Variants in KCNQ5 observed in about 807,000 individuals in gnomAD.
The protein encoded by KCNQ5 is potassium voltage-gated channel subfamily KQT member 5.
Under a neutral mutation model 98.2 loss-of-function variants are expected in KCNQ5, and 30 were observed. The ratio of observed to expected loss-of-function variants is 0.31; its 90% CI spans 0.23 to 0.41. KCNQ5 has a LOEUF of 0.41. Among genes scored for constraint, KCNQ5 ranks in the 10% least tolerant of loss-of-function variants. The pLI, the probability that KCNQ5 is intolerant of heterozygous loss-of-function variation, is 1.00. For missense variants in KCNQ5, 835 were observed against 1,182.5 expected (o/e 0.71, Z 4.31); for synonymous variants, 458 against 449.4 (o/e 1.02, Z -0.24).
intron 9 of KCNQ5, chr6:73,125,577 C>T (rs1365467522): frequency 3.2e-6 from 1 of 313,656 alleles, no homozygotes; most frequent in Non-Finnish European, 6.2e-6. Context: ...TAGCTTAGTA[C>T]TATTATAATA....
chr6:72,787,004 CAA>C (rs1045803750), intron 1 of KCNQ5, among the ~76,000 whole-genome samples: 2,241 of 50,246 alleles, frequency 0.045, 29 homozygotes, highest in African/African-American at 0.11. Flanking sequence ...GACTCTGTCT[CAA>C]AAAAAAAAAA....
intron 1 of KCNQ5, among the ~76,000 whole-genome samples, chr6:72,772,459 G>A (rs1278086841): frequency 6.6e-6 from 1 of 152,064 alleles, no homozygotes; most frequent in Non-Finnish European, 1.5e-5. Context: ...ACTAAGAAGA[G>A]AAATTTATTT....
intron 1 of KCNQ5, among the ~76,000 whole-genome samples, chr6:72,776,316 A>C (rs1215021056): frequency 6.6e-6 from 1 of 152,194 alleles, no homozygotes; most frequent in African/African-American, 2.4e-5. Context: ...TTTTTCTACA[A>C]ATTTAAATAG....
chr6:73,049,423 A>G (rs963428594), intron 3 of KCNQ5, among the ~76,000 whole-genome samples: 1 of 152,218 alleles, frequency 6.6e-6, no homozygotes, highest in African/African-American at 2.4e-5. Context: ...ACTTCACTCT[A>G]TAGATGGAAA....
intron 10 of KCNQ5, chr6:73,134,097 A>G: frequency 2.4e-6 from 1 of 412,748 alleles, no homozygotes; most frequent in South Asian, 1.8e-5. Flanking sequence ...TCTCTCACAC[A>G]CTCCATCTAC....
chr6:72,655,022 G>GTCTTTCTTTCTTTCTT (rs1254231605), intron 1 of KCNQ5, among the ~76,000 whole-genome samples: 45 of 119,044 alleles, frequency 3.8e-4, no homozygotes, highest in Admixed American at 5.4e-4. Context: ...GCCAAGGTCT[G>GTCTTTCTTTCTTTCTT]TCTGTCTTTC....
intron 1 of KCNQ5, among the ~76,000 whole-genome samples, chr6:72,963,807 C>T (rs936895226): frequency 6.6e-6 from 1 of 152,072 alleles, no homozygotes; most frequent in East Asian, 1.9e-4. Context: ...GGACCACAGG[C>T]GCACACCACC....
intron 1 of KCNQ5, among the ~76,000 whole-genome samples, chr6:72,798,559 A>T (rs1000635825): frequency 6.6e-6 from 1 of 152,152 alleles, no homozygotes; most frequent in African/African-American, 2.4e-5. Context: ...GGCCCCTTGG[A>T]CTTCCCAGCC....
intron 1 of KCNQ5, among the ~76,000 whole-genome samples, chr6:72,656,214 A>T (rs1199397578): frequency 6.6e-6 from 1 of 152,156 alleles, no homozygotes; most frequent in Non-Finnish European, 1.5e-5. Flanking sequence ...GCCAAATTTC[A>T]CTGGGGACCC....
intron 2 of KCNQ5, among the ~76,000 whole-genome samples, chr6:73,032,136 A>T (rs1213955846): frequency 1.3e-5 from 2 of 152,236 alleles, no homozygotes; most frequent in Admixed American, 1.3e-4. Flanking sequence ...GCTGACATGT[A>T]CTAATTTCTC....
chr6:73,193,737 G>A (rs1234112861), intron 13 of KCNQ5, among the ~76,000 whole-genome samples: 1 of 151,158 alleles, frequency 6.6e-6, no homozygotes. Context: ...TAAGGTATTG[G>A]TTTCATTATA....
Position 72,871,182 on chromosome 6 carries a change from A to G in KCNQ5, c.399-132726A>G, listed in dbSNP as rs546732552. Reference sequence around the variant, plus strand: ...AAAAGAACAAGCATCCTCATTTTATAGAAGACTGAACCAAAAGAGGTCTTC... The same window carrying G: ...AAAAGAACAAGCATCCTCATTTTATGGAAGACTGAACCAAAAGAGGTCTTC... On this transcript the variant is annotated intron_variant, in intron 1 of 13. Coordinates refer to ENST00000370398, the MANE Select transcript of KCNQ5 (RefSeq NM_019842.4). 5.3e-5 allele frequency among the ~76,000 whole-genome samples: 8 copies of G among 152,318 alleles called. No individual in the cohort carries two copies. The East Asian group carries it at 5.8e-4, about 11-fold the overall frequency.
chr6:73,157,483 C>T (rs1362413633), intron 10 of KCNQ5: 16 of 700,904 alleles, frequency 2.3e-5, no homozygotes, highest in Non-Finnish European at 3.7e-5. Flanking sequence ...CCACAGATTC[C>T]CAGAACCAAC....
intron 1 of KCNQ5, among the ~76,000 whole-genome samples, chr6:72,861,061 T>G (rs958029273): frequency 6.6e-6 from 1 of 151,830 alleles, no homozygotes; most frequent in South Asian, 2.1e-4. Flanking sequence ...AAGATAGCAA[T>G]GTAAGTATTG....
chr6:73,191,611 G>A (rs1765591848), intron 12 of KCNQ5, among the ~76,000 whole-genome samples: 1 of 152,046 alleles, frequency 6.6e-6, no homozygotes, highest in South Asian at 2.1e-4. Context: ...CCCAGTGTGA[G>A]GCATATAATG....
At chr6:72,784,798 G>T (rs568271000) in intron 1 of KCNQ5, among the ~76,000 whole-genome samples, 31 of 152,336 alleles carry the variant, frequency 2.0e-4, no homozygotes, top group African/African-American at 7.5e-4. Context: ...ACTGAGTCAT[G>T]TGGTAATCCT....
At chr6:73,098,956 G>A (rs191046669) in intron 5 of KCNQ5, among the ~76,000 whole-genome samples, 135 of 152,098 alleles carry the variant, frequency 8.9e-4, no homozygotes, top group Admixed American at 2.0e-3. Context: ...GATATACACA[G>A]CATAATAAGA....
chr6:73,131,499 T>C (rs1307994890), intron 9 of KCNQ5, among the ~76,000 whole-genome samples: 1 of 152,102 alleles, frequency 6.6e-6, no homozygotes, highest in African/African-American at 2.4e-5. Flanking sequence ...TGAATAAAGG[T>C]GCAGAAGTGA....
At chr6:73,095,721 C>T (rs1056362876) in intron 5 of KCNQ5, among the ~76,000 whole-genome samples, 1 of 152,094 alleles carries the variant, frequency 6.6e-6, no homozygotes, top group South Asian at 2.1e-4. Flanking sequence ...AACAAGTCTT[C>T]CAGACTCCGG....
Sources: allele counts gnomAD v4.1 joint callset (sites outside exome capture counted in the v4.1 genomes callset), GRCh38; gene constraint gnomAD v4.1.1; transcripts MANE v1.5; gene names NCBI Gene and HGNC (gene_info 2026-07-23, HGNC 2026-07-21).